ADAMTS19: variants seen among roughly 807,000 people sequenced by gnomAD.
ADAMTS19 encodes the protein ADAM metallopeptidase with thrombospondin type 1 motif 19.
A neutral mutation model predicts 153.3 loss-of-function variants in ADAMTS19; 93 were observed. The ratio of observed to expected loss-of-function variants is 0.61; its 90% confidence interval spans 0.51 to 0.72. The LOEUF is 0.72. Among genes scored for constraint, ADAMTS19 ranks in the 30% least tolerant of loss-of-function variants. The pLI is 0.00. For synonymous variants in ADAMTS19, 600 were observed against 556.6 expected, an observed-to-expected ratio of 1.08 and a Z score of -1.10; for missense variants, 1,482 against 1,552.1, an observed-to-expected ratio of 0.95 and a Z score of 0.76.
chr5:129,522,314 T>TACACACACACACACACACACAC (rs1455704023), intron 3 of ADAMTS19, among the ~76,000 whole-genome samples: 1 of 94,490 alleles, frequency 1.1e-5, no homozygotes, highest in African/African-American at 5.2e-5. Context: ...TATATATATA[T>TACACACACACACACACACACAC]ATACACACAC....
At chr5:129,551,418 C>T (rs545180974) in intron 6 of ADAMTS19, among the ~76,000 whole-genome samples, 17 of 151,526 alleles carry the variant, frequency 1.1e-4, no homozygotes, top group Admixed American at 7.9e-4. Flanking sequence ...AAAATTTTGC[C>T]AGTCTTATGA....
rs568884271 is a variant in ADAMTS19 at position 129,491,061 on chromosome 5, G to A, written c.748-18016G>A. ...GCCCAGGCTGGAGTGCAGTGGTGTGGCACGATCTCAGCTCACTGCAAGCTC... is the reference window on the plus strand; with the variant it reads ...GCCCAGGCTGGAGTGCAGTGGTGTGACACGATCTCAGCTCACTGCAAGCTC... On this transcript the variant is annotated intron_variant, in intron 2 of 22. Coordinates refer to ENST00000274487, the MANE Select transcript of ADAMTS19 (RefSeq NM_133638.6). 3.5e-4 allele frequency among the ~76,000 whole-genome samples: 54 copies of A among 152,140 alleles called. No individual in the cohort carries two copies. The East Asian group carries it at 5.6e-3, about 16-fold the overall frequency.
Position 129,546,153 on chromosome 5 carries a change from G to T in ADAMTS19, c.1329-5711G>T, listed in dbSNP as rs1258627821. On this transcript the variant is annotated intron_variant, in intron 6 of 22. Transcript: ENST00000274487. Reference sequence around the variant, plus strand: ...TCGCAAGAACAAAAAACCAAACACCGCATATTCTCACTCACAGGTGGGAAT... The same window carrying T: ...TCGCAAGAACAAAAAACCAAACACCTCATATTCTCACTCACAGGTGGGAAT... Among the ~76,000 whole-genome samples, 9 of 147,384 alleles carry T rather than the reference G, an allele frequency of 6.1e-5. No homozygotes were observed. In the East Asian group the frequency reaches 1.8e-3, roughly 29 times the overall value.
intron 7 of ADAMTS19, among the ~76,000 whole-genome samples, chr5:129,570,262 CAGACATTAAAATAATCA>C: frequency 2.0e-5 from 3 of 151,850 alleles, no homozygotes; most frequent in African/African-American, 7.3e-5. Flanking sequence ...ATAGACCCCA[CAGACATTAAAATAATCA>C]TTAGGGAATA....
chr5:129,460,501 T>G lies in ADAMTS19; in HGVS notation c.91+19T>G. Reference sequence around the variant, plus strand: ...GTTTCAGGTAAGTTCTTCCGTGACTTTCTCGCTTCCTTTCCAGCCATCCCA... The same window carrying G: ...GTTTCAGGTAAGTTCTTCCGTGACTGTCTCGCTTCCTTTCCAGCCATCCCA... On this transcript the variant is annotated intron_variant, in intron 1 of 22. Coordinates refer to ENST00000274487, the MANE Select transcript of ADAMTS19 (RefSeq NM_133638.6). The G allele has an allele frequency of 1.2e-6, 2 of 1,613,984 alleles. No individual in the cohort carries two copies. The highest frequency in any genetic ancestry group is 1.7e-6 in the Non-Finnish European group (2 of 1,179,884).
At chr5:129,612,842 G>A (rs1751301171) in intron 8 of ADAMTS19, among the ~76,000 whole-genome samples, 1 of 151,994 alleles carries the variant, frequency 6.6e-6, no homozygotes, top group South Asian at 2.1e-4. Flanking sequence ...GGATGGAGGA[G>A]ATCTACAAAG....
At chr5:129,566,413 C>T (rs1185569147) in intron 7 of ADAMTS19, among the ~76,000 whole-genome samples, 1 of 152,192 alleles carries the variant, frequency 6.6e-6, no homozygotes, top group Admixed American at 6.5e-5. Context: ...CCACCCTTCT[C>T]TCTCCCATTG....
At chr5:129,554,557 G>A (rs1212019459) in intron 7 of ADAMTS19, among the ~76,000 whole-genome samples, 2 of 152,106 alleles carry the variant, frequency 1.3e-5, no homozygotes, top group Admixed American at 6.6e-5. Flanking sequence ...TAATCAGGAA[G>A]GAAACCATCC....
intron 2 of ADAMTS19, among the ~76,000 whole-genome samples, chr5:129,476,641 C>G (rs1328746545): frequency 6.6e-6 from 1 of 152,134 alleles, no homozygotes; most frequent in African/African-American, 2.4e-5. Flanking sequence ...AAACCAATAT[C>G]TCCTCTCTGG....
chr5:129,648,031 ATTAT>A, intron 12 of ADAMTS19, 136 bp downstream of exon 12: 1 of 930,616 alleles, frequency 1.1e-6, no homozygotes, highest in South Asian at 3.3e-5. Flanking sequence ...AGTCCTTCAA[ATTAT>A]TTATTTTATA....
At chr5:129,650,161 AC>A (rs1478883609) in intron 13 of ADAMTS19, among the ~76,000 whole-genome samples, 1 of 152,140 alleles carries the variant, frequency 6.6e-6, no homozygotes, top group Non-Finnish European at 1.5e-5. Flanking sequence ...ACAGAGTGAG[AC>A]CCTGTCTCAA....
chr5:129,645,151 C>A (rs1440444924), intron 11 of ADAMTS19, among the ~76,000 whole-genome samples: 3 of 152,116 alleles, frequency 2.0e-5, no homozygotes, highest in African/African-American at 7.2e-5. Context: ...CCCAGGTGGT[C>A]TATATTACAT....
Position 129,534,123 on chromosome 5 carries a change from G to T in ADAMTS19, c.1328+5446G>T, listed in dbSNP as rs150178600. Among the ~76,000 whole-genome samples the T allele has an allele frequency of 7.6e-4, 116 of 152,174 alleles. No homozygotes were observed. The East Asian group carries it at 0.022, about 29-fold the overall frequency. On this transcript the variant is annotated intron_variant, in intron 6 of 22. Coordinates refer to ENST00000274487, the MANE Select transcript of ADAMTS19 (RefSeq NM_133638.6). ...ATGTCTATTAGGTCTGCTTGGTATA[G>T]AGCTGAGTCCAATTCCTGGATATCC...
chr5:129,568,442 T>C (rs965203156), intron 7 of ADAMTS19, among the ~76,000 whole-genome samples: 2 of 152,104 alleles, frequency 1.3e-5, no homozygotes, highest in African/African-American at 4.8e-5. Flanking sequence ...TGATTCTAAG[T>C]AGACTTTTAA....
At chr5:129,652,029 TA>T (rs936518516) in intron 13 of ADAMTS19, among the ~76,000 whole-genome samples, 1 of 151,236 alleles carries the variant, frequency 6.6e-6, no homozygotes, top group Admixed American at 6.6e-5. Flanking sequence ...TTCTCCAAAT[TA>T]AAAAAAAATC....
At chr5:129,736,628 A>C (rs1408531925) in intron 22 of ADAMTS19, among the ~76,000 whole-genome samples, 1 of 152,130 alleles carries the variant, frequency 6.6e-6, no homozygotes, top group Non-Finnish European at 1.5e-5. Context: ...TAGGAATATG[A>C]AATAACTGTG....
chr5:129,668,115 G>T (rs1004130568), intron 16 of ADAMTS19, among the ~76,000 whole-genome samples: 8 of 152,146 alleles, frequency 5.3e-5, no homozygotes, highest in Non-Finnish European at 4.4e-5. Context: ...CAACTCTAGT[G>T]GCTGCCAGCA....
At chr5:129,645,504 G>C (rs1429799886) in intron 11 of ADAMTS19, among the ~76,000 whole-genome samples, 1 of 152,188 alleles carries the variant, frequency 6.6e-6, no homozygotes, top group African/African-American at 2.4e-5. Flanking sequence ...TAAATACTAT[G>C]CTGTAGTACT....
intron 19 of ADAMTS19, among the ~76,000 whole-genome samples, chr5:129,698,559 A>C (rs1335499407): frequency 2.0e-5 from 3 of 152,244 alleles, no homozygotes; most frequent in African/African-American, 7.2e-5. Flanking sequence ...TTCTTTCATT[A>C]GAATACGTTT....
Sources: allele counts gnomAD v4.1 joint callset (sites outside exome capture counted in the v4.1 genomes callset), GRCh38; gene constraint gnomAD v4.1.1; transcripts MANE v1.5; gene names NCBI Gene and HGNC (gene_info 2026-07-23, HGNC 2026-07-21).